POLD1: variants seen among roughly 807,000 people sequenced by gnomAD.
The protein encoded by POLD1 is DNA polymerase delta 1, catalytic subunit.
A neutral mutation model predicts 129.7 loss-of-function variants in POLD1; 79 were observed. That is an observed-to-expected ratio of 0.61 (90% CI 0.51 to 0.73). The LOEUF (loss-of-function observed/expected upper bound fraction) is 0.73, where lower values mean the gene tolerates loss of function less well. POLD1 is among the 30% of genes least tolerant of loss of function. The pLI is 0.00. For synonymous variants in POLD1, 714 were observed against 683.3 expected, an observed-to-expected ratio of 1.04 and a Z score of -0.70; for missense variants, 1,338 against 1,595.8, an observed-to-expected ratio of 0.84 and a Z score of 2.75.
At chr19:50,394,658 A>G (rs2122148805) in intron 1 of POLD1, among the ~76,000 whole-genome samples, 2 of 152,198 alleles carry the variant, frequency 1.3e-5, no homozygotes, top group South Asian at 4.1e-4. Flanking sequence ...CGTCTAAAAA[A>G]AAAATAAGTA....
chr19:50,398,894 C>CTTG lies in POLD1; in HGVS notation c.43_44insTTG (p.Pro15delinsLeuAla), dbSNP rs2038470850. ...GCCAGGCCCAGGGCCCGGGGTGCCC[C>CTTG]CAAAGCGGGCCCGTGGGGGCCTCTG... is the stretch of plus-strand genomic sequence containing the variant. On this transcript the variant is annotated protein_altering_variant, in exon 2 of 27. Transcript: ENST00000440232. The CTTG allele has an allele frequency of 1.2e-6, 2 of 1,604,466 alleles. No homozygotes were observed. The highest frequency in any genetic ancestry group is 1.7e-6 in the Non-Finnish European group (2 of 1,176,920).
At chr19:50,389,132 CTT>C (rs111255239) in intron 1 of POLD1, among the ~76,000 whole-genome samples, 18 of 141,526 alleles carry the variant, frequency 1.3e-4, no homozygotes, top group South Asian at 2.2e-4. Context: ...CACCTGGCCT[CTT>C]TTTTTTTTTT....
At chr19:50,404,631 T>C (rs537050618) in intron 10 of POLD1, among the ~76,000 whole-genome samples, 1 of 130,570 alleles carries the variant, frequency 7.7e-6, no homozygotes, top group African/African-American at 2.9e-5. Flanking sequence ...CAGGCTGGAG[T>C]GCGATGGCAC....
chr19:50,410,399 C>T (rs548988399), intron 17 of POLD1, among the ~76,000 whole-genome samples: 130 of 152,152 alleles, frequency 8.5e-4, no homozygotes, highest in Admixed American at 1.7e-3. Context: ...CTGGGCACTG[C>T]GCCACTTTTC....
rs2463238 is a variant in POLD1 at position 50,417,301 on chromosome 19, C to T, written c.3218+32C>T. On this transcript the variant is annotated intron_variant, in intron 26 of 26. Transcript: ENST00000440232. ...GCCATGTCCCGACCCTGGGCTGCCC[C>T]GCCCCTTCCCAGCTCCCAGGCCTGT... 30,969 of 1,466,642 alleles carry T rather than the reference C, an allele frequency of 0.021. 3,179 individuals are homozygous for T. In the African/African-American group the frequency reaches 0.28, roughly 13 times the overall value. 90.9% of individuals were successfully genotyped at this position (1,466,642 alleles called of 1,614,324 possible).
At chr19:50,404,574 CTTTTT>C (rs71182717) in intron 10 of POLD1, among the ~76,000 whole-genome samples, 1,678 of 77,818 alleles carry the variant, frequency 0.022, 21 homozygotes, top group Non-Finnish European at 0.027. Flanking sequence ...TTTTCTCTTT[CTTTTT>C]TTTTTTTTTT....
chr19:50,397,031 G>T (rs1298306645), intron 1 of POLD1, among the ~76,000 whole-genome samples: 7 of 146,912 alleles, frequency 4.8e-5, no homozygotes, highest in Admixed American at 2.8e-4. Context: ...GGAGGCGGAG[G>T]TTGCAGCCAA....
intron 22 of POLD1, 196 bp downstream of exon 22, chr19:50,416,022 C>A (rs1399478790): frequency 5.1e-6 from 3 of 585,410 alleles, no homozygotes; most frequent in Non-Finnish European, 9.0e-6. Context: ...CCCTTGCTTC[C>A]CTATGGAAGG....
At chr19:50,416,756 C>T (rs2122499507) in intron 24 of POLD1, 33 bp downstream of exon 24, 2 of 1,437,052 alleles carry the variant, frequency 1.4e-6, no homozygotes, top group Non-Finnish European at 1.9e-6. Flanking sequence ...CCCCCACTGG[C>T]CCTCAACCTG....
chr19:50,385,475 A>G (rs1394097973), intron 1 of POLD1, among the ~76,000 whole-genome samples: 2 of 151,070 alleles, frequency 1.3e-5, no homozygotes, highest in African/African-American at 4.9e-5. Flanking sequence ...GGGCGATGTC[A>G]GTGCCTCGCC....
At chr19:50,415,110 C>T (rs2039230410) in intron 20 of POLD1, 120 bp downstream of exon 20, 2 of 965,466 alleles carry the variant, frequency 2.1e-6, no homozygotes, top group Admixed American at 6.2e-5. Context: ...GGCCCCCAGC[C>T]CCCTCCTCCT....
chr19:50,390,810 T>C (rs3219316), intron 1 of POLD1, among the ~76,000 whole-genome samples: 16,816 of 151,952 alleles, frequency 0.11, 1,069 homozygotes, highest in South Asian at 0.21. Flanking sequence ...AGCATCTGTT[T>C]AACAAAGCAC....
At chr19:50,400,254 C>T (rs1245997846) in intron 3 of POLD1, among the ~76,000 whole-genome samples, 1 of 113,376 alleles carries the variant, frequency 8.8e-6, no homozygotes, top group Non-Finnish European at 1.7e-5. Flanking sequence ...GAGTCTTGCT[C>T]CTGTCGCCCA....
At chr19:50,400,714 T>C (rs912923301) in intron 3 of POLD1, among the ~76,000 whole-genome samples, 1 of 149,348 alleles carries the variant, frequency 6.7e-6, no homozygotes, top group African/African-American at 2.5e-5. Context: ...TTTTTTTTTT[T>C]GAGACGGAGT....
intron 20 of POLD1, 46 bp downstream of exon 20, chr19:50,415,036 C>A (rs932456885): frequency 1.4e-6 from 2 of 1,445,788 alleles, no homozygotes; most frequent in Non-Finnish European, 1.8e-6. Flanking sequence ...GGGCCCCAAA[C>A]CCCTCCTCCC....
At chr19:50,408,000 C>A (rs1170239893) in intron 14 of POLD1, among the ~76,000 whole-genome samples, 4 of 151,842 alleles carry the variant, frequency 2.6e-5, no homozygotes, top group Non-Finnish European at 4.4e-5. Flanking sequence ...TGCGCCACTG[C>A]CCTCCAGCCT....
chr19:50,415,415 C>A, intron 20 of POLD1, 23 bp from the exon 21 acceptor site: 1 of 1,600,274 alleles, frequency 6.2e-7, no homozygotes. Flanking sequence ...TTTGGTGACG[C>A]TGTGCGGCCC....
intron 14 of POLD1, 24 bp from the exon 15 acceptor site, chr19:50,408,761 C>G (rs757790145): frequency 1.2e-6 from 2 of 1,612,578 alleles, no homozygotes; most frequent in Non-Finnish European, 1.7e-6. Flanking sequence ...CCCTGACTCC[C>G]GGCCGCGGCT....
intron 3 of POLD1, among the ~76,000 whole-genome samples, chr19:50,401,383 ATATATATATTTTTT>A (rs1458929930): frequency 1.2e-4 from 7 of 58,134 alleles, no homozygotes; most frequent in South Asian, 4.8e-4. Flanking sequence ...ATATATATAT[ATATATATATTTTTT>A]TTTTTTTTTT....
Sources: allele counts gnomAD v4.1 joint callset (sites outside exome capture counted in the v4.1 genomes callset), GRCh38; gene constraint gnomAD v4.1.1; transcripts MANE v1.5; gene names NCBI Gene and HGNC (gene_info 2026-07-23, HGNC 2026-07-21).